SH3PXD2B: variants seen among roughly 807,000 people sequenced by gnomAD.
SH3PXD2B encodes the protein SH3 and PX domains 2B.
Under a neutral mutation model 73.1 loss-of-function variants are expected in SH3PXD2B, and 37 were observed. That is an observed-to-expected ratio of 0.51 (90% CI 0.39 to 0.67). SH3PXD2B has a LOEUF of 0.67. Ranked by LOEUF, SH3PXD2B falls within the 30% of genes least tolerant of loss-of-function variation. The pLI is 0.00. For missense variants in SH3PXD2B, 1,053 were observed against 1,197.8 expected, an observed-to-expected ratio of 0.88 and a Z score of 1.78; for synonymous variants, 457 against 480.5, an observed-to-expected ratio of 0.95 and a Z score of 0.64.
In SH3PXD2B at chr5:172,334,782, A is replaced by G. The variant is rs1756648326; in HGVS notation, c.*3587T>C. ...TACCAGACTGTCCACTCCTCAGCCT[A>G]AGGTCCTTCTCAAGTCCTGGCACAC... On this transcript the variant is annotated 3_prime_UTR_variant, in exon 13 of 13. Transcript: ENST00000311601. 2.0e-6 allele frequency: 2 copies of G among 985,416 alleles called. No individual in the cohort carries two copies. Among genetic ancestry groups the G allele is most frequent in the Non-Finnish European group, 2.4e-6 (2 of 829,936 alleles). 61.0% of individuals were successfully genotyped at this position (985,416 alleles called of 1,614,324 possible).
chr5:172,327,729 C>T (rs980216130), intron 12 of SH3PXD2B, among the ~76,000 whole-genome samples: 2 of 147,078 alleles, frequency 1.4e-5, no homozygotes, highest in African/African-American at 5.0e-5. Context: ...TCTGGAACTA[C>T]GGGTGCATAC....
At chr5:172,395,879 G>A (rs1400830712) in intron 3 of SH3PXD2B, among the ~76,000 whole-genome samples, 4 of 152,098 alleles carry the variant, frequency 2.6e-5, no homozygotes, top group African/African-American at 9.7e-5. Flanking sequence ...GGAGAGCAGA[G>A]CATGGAGACC....
intron 1 of SH3PXD2B, among the ~76,000 whole-genome samples, chr5:172,450,513 A>G (rs1759771408): frequency 1.3e-5 from 2 of 152,110 alleles, no homozygotes; most frequent in African/African-American, 4.8e-5. Flanking sequence ...TTGAAAATAT[A>G]CCCATTTGAA....
At chr5:172,412,725 C>T (rs10077377) in intron 2 of SH3PXD2B, among the ~76,000 whole-genome samples, 25,634 of 152,080 alleles carry the variant, frequency 0.17, 2,968 homozygotes, top group African/African-American at 0.33. Flanking sequence ...GGGACCAGGC[C>T]CAGGCTGTCT....
chr5:172,433,170 A>C (rs1398118048), intron 1 of SH3PXD2B, among the ~76,000 whole-genome samples: 2 of 152,170 alleles, frequency 1.3e-5, no homozygotes, highest in African/African-American at 4.8e-5. Context: ...TACAGTATTC[A>C]GTACAGTAAC....
chr5:172,394,905 A>C (rs151270988), intron 3 of SH3PXD2B, among the ~76,000 whole-genome samples: 5 of 152,292 alleles, frequency 3.3e-5, no homozygotes, highest in African/African-American at 1.2e-4. Flanking sequence ...GGAGGCTGGA[A>C]GCAACTGTGG....
chr5:172,344,588 CAAAAA>C (rs756550290), intron 12 of SH3PXD2B, among the ~76,000 whole-genome samples: 10 of 25,234 alleles, frequency 4.0e-4, no homozygotes, highest in Non-Finnish European at 6.7e-4. Flanking sequence ...GAGGCTCTGT[CAAAAA>C]AAAAAAAAAA....
chr5:172,437,460 C>T (rs1216993522), intron 1 of SH3PXD2B, among the ~76,000 whole-genome samples: 1 of 152,132 alleles, frequency 6.6e-6, no homozygotes, highest in Non-Finnish European at 1.5e-5. Flanking sequence ...AGCCATGCTG[C>T]GCCTGAGGTC....
intron 3 of SH3PXD2B, among the ~76,000 whole-genome samples, chr5:172,403,643 TTC>T (rs748553062): frequency 6.6e-6 from 1 of 152,238 alleles, no homozygotes; most frequent in Non-Finnish European, 1.5e-5. Flanking sequence ...GCTCAAGTTC[TTC>T]TCTGTCTTGG....
chr5:172,405,319 T>C (rs1355096394), intron 3 of SH3PXD2B, among the ~76,000 whole-genome samples: 1 of 152,268 alleles, frequency 6.6e-6, no homozygotes, highest in Non-Finnish European at 1.5e-5. Flanking sequence ...CGAGCTATTA[T>C]ATGCCTTCCG....
At chr5:172,352,572 T>C (rs948907045) in intron 9 of SH3PXD2B, among the ~76,000 whole-genome samples, 18 of 152,202 alleles carry the variant, frequency 1.2e-4, no homozygotes, top group Non-Finnish European at 2.5e-4. Context: ...ATCGACATCT[T>C]GACTTGAATT....
intron 1 of SH3PXD2B, among the ~76,000 whole-genome samples, chr5:172,447,271 C>T (rs555669214): frequency 6.1e-4 from 93 of 152,096 alleles, no homozygotes; most frequent in African/African-American, 1.9e-3. Flanking sequence ...TTTCATCCTT[C>T]GTTTGTAATC....
At chr5:172,385,366 C>A (rs1016963284) in intron 4 of SH3PXD2B, among the ~76,000 whole-genome samples, 1 of 152,234 alleles carries the variant, frequency 6.6e-6, no homozygotes, top group African/African-American at 2.4e-5. Flanking sequence ...CTTTATGTAA[C>A]CCTGGGAAGG....
chr5:172,386,250 G>A lies in SH3PXD2B; in HGVS notation c.310-4123C>T, dbSNP rs75813405. ...CTATAGAATAAGTGAGGAAGTGGTT[G>A]TATGGTTTCCATCATATATTAGCTG... On this transcript the variant is annotated intron_variant, in intron 4 of 12. Transcript: ENST00000311601. Among the ~76,000 whole-genome samples the A allele has an allele frequency of 6.0e-3, 917 of 152,328 alleles. 10 individuals are homozygous for A. The highest frequency in any genetic ancestry group is 0.021 in the African/African-American group (869 of 41,572).
At chr5:172,393,394 A>G (rs1387227885) in intron 4 of SH3PXD2B, among the ~76,000 whole-genome samples, 1 of 152,152 alleles carries the variant, frequency 6.6e-6, no homozygotes, top group Non-Finnish European at 1.5e-5. Context: ...TTTTCTGTAT[A>G]TTGAGCTTTT....
chr5:172,420,468 A>G (rs1331947079), intron 2 of SH3PXD2B, among the ~76,000 whole-genome samples: 1 of 151,856 alleles, frequency 6.6e-6, no homozygotes, highest in African/African-American at 2.4e-5. Flanking sequence ...AAAATTCTCT[A>G]TTCAGCACTG....
chr5:172,381,201 C>A (rs368491449), intron 5 of SH3PXD2B, among the ~76,000 whole-genome samples: 1 of 152,184 alleles, frequency 6.6e-6, no homozygotes, highest in Non-Finnish European at 1.5e-5. Context: ...GCGAACGCAG[C>A]GCCAAGAGCA....
chr5:172,373,263 A>G (rs1263019887), intron 6 of SH3PXD2B, among the ~76,000 whole-genome samples: 2 of 152,206 alleles, frequency 1.3e-5, no homozygotes, highest in Non-Finnish European at 2.9e-5. Context: ...CGATCCCCTC[A>G]GCCCGGGATG....
At chr5:172,378,577 C>T (rs1205120896) in intron 5 of SH3PXD2B, among the ~76,000 whole-genome samples, 1 of 152,342 alleles carries the variant, frequency 6.6e-6, no homozygotes. Context: ...AATGCCAATA[C>T]TACCCTCGTG....
Sources: allele counts gnomAD v4.1 joint callset (sites outside exome capture counted in the v4.1 genomes callset), GRCh38; gene constraint gnomAD v4.1.1; transcripts MANE v1.5; gene names NCBI Gene and HGNC (gene_info 2026-07-23, HGNC 2026-07-21).